The following EVA1A variants were observed in gnomAD, a reference collection of about 807,000 sequenced individuals.
The protein encoded by EVA1A is protein eva-1 homolog A.
EVA1A carries 7 observed loss-of-function variants against 9.8 expected under a neutral mutation model. The observed-to-expected ratio is 0.71, with a 90% CI of 0.41 to 1.34. The LOEUF is 1.34. Among genes scored for constraint, EVA1A ranks in the 40% most tolerant of loss-of-function variants. EVA1A has a pLI of 0.01. For synonymous variants in EVA1A, 90 were observed against 85.6 expected, an observed-to-expected ratio of 1.05 and a Z score of -0.28; for missense variants, 206 against 205.9, an observed-to-expected ratio of 1.00 and a Z score of 0.00.
At chr2:75,528,118 G>A (rs972763883) in intron 1 of EVA1A, among the ~76,000 whole-genome samples, 4 of 152,234 alleles carry the variant, frequency 2.6e-5, no homozygotes, top group Non-Finnish European at 5.9e-5. Context: ...GCCCAGCGAA[G>A]CCATTTCTCA....
intron 3 of EVA1A, among the ~76,000 whole-genome samples, chr2:75,507,742 T>C (rs1371708644): frequency 6.6e-6 from 1 of 152,138 alleles, no homozygotes. Context: ...CAGGAGACAG[T>C]AGAGCTGCAG....
intron 3 of EVA1A, among the ~76,000 whole-genome samples, chr2:75,509,838 T>A (rs1674749524): frequency 6.6e-6 from 1 of 152,098 alleles, no homozygotes; most frequent in African/African-American, 2.4e-5. Context: ...AGTTTACGTA[T>A]ACTGATTTGT....
At chr2:75,546,821 G>A (rs763468539) in intron 1 of EVA1A, among the ~76,000 whole-genome samples, 1 of 149,826 alleles carries the variant, frequency 6.7e-6, no homozygotes, top group Non-Finnish European at 1.5e-5. Context: ...AATATAACTG[G>A]TGTTCTTATA....
chr2:75,494,558 T>C (rs1324099137), intron 3 of EVA1A, among the ~76,000 whole-genome samples: 1 of 152,208 alleles, frequency 6.6e-6, no homozygotes, highest in South Asian at 2.1e-4. Flanking sequence ...AGGGTGGCCT[T>C]TGGCCAACAC....
chr2:75,551,458 C>T (rs1172098125), intron 1 of EVA1A, among the ~76,000 whole-genome samples: 1 of 152,210 alleles, frequency 6.6e-6, no homozygotes, highest in African/African-American at 2.4e-5. Context: ...TGGAAACTCT[C>T]CTCTTCCGCA....
chr2:75,521,241 T>G (rs866618454), intron 2 of EVA1A, among the ~76,000 whole-genome samples: 1 of 152,170 alleles, frequency 6.6e-6, no homozygotes, highest in South Asian at 2.1e-4. Context: ...GATGGGAAGG[T>G]AAAATTGTGC....
intron 3 of EVA1A, among the ~76,000 whole-genome samples, chr2:75,507,023 A>C (rs1390141854): frequency 1.3e-5 from 2 of 152,192 alleles, no homozygotes; most frequent in Non-Finnish European, 2.9e-5. Flanking sequence ...ACACATCCAA[A>C]AGTAGATCTG....
intron 1 of EVA1A, among the ~76,000 whole-genome samples, chr2:75,543,277 T>G (rs1676202250): frequency 6.6e-6 from 1 of 152,140 alleles, no homozygotes; most frequent in African/African-American, 2.4e-5. Flanking sequence ...CCACATTCTA[T>G]TCCTAATCAG....
Position 75,493,212 on chromosome 2 carries a change from T to C in EVA1A, c.*24A>G, listed in dbSNP as rs1453271400. On this transcript the variant is annotated 3_prime_UTR_variant, in exon 4 of 4. Transcript: ENST00000393913. ...GCTCTCCTTTCCAGGCGGCCTCCAG[T>C]GGTTTCCGGGGTCCTGCTGCTCCCT... The C allele has an allele frequency of 6.3e-7, 1 of 1,587,238 alleles. No individual in the cohort carries two copies. Among genetic ancestry groups the C allele is most frequent in the Admixed American group, 1.7e-5 (1 of 57,964 alleles).
intron 1 of EVA1A, among the ~76,000 whole-genome samples, chr2:75,559,702 G>C (rs1303895597): frequency 7.3e-6 from 1 of 136,614 alleles, no homozygotes; most frequent in Admixed American, 7.1e-5. Context: ...GGAGGTGGGG[G>C]GGGGGCGGGG....
intron 1 of EVA1A, among the ~76,000 whole-genome samples, chr2:75,545,512 T>G (rs1676298208): frequency 6.6e-6 from 1 of 152,148 alleles, no homozygotes; most frequent in African/African-American, 2.4e-5. Context: ...GGTAGCCAAG[T>G]GTAGCCACTG....
At position 75,543,079 on chromosome 2, in the gene EVA1A, C is replaced by T. The variant is rs372940522; in HGVS notation, c.-192+17601G>A. ...GGCTGTATAGAATGGAAGTCAGTCA[C>T]AACATCCATACCACACTGGGCATAA... On this transcript the variant is annotated intron_variant, in intron 1 of 3. Transcript: ENST00000393913. Among the ~76,000 whole-genome samples, 138 of 152,272 alleles carry T rather than the reference C, an allele frequency of 9.1e-4. 2 individuals carry two copies. Among genetic ancestry groups the T allele is most frequent in the African/African-American group, 3.2e-3 (133 of 41,560 alleles).
At chr2:75,551,194 C>G (rs796237891) in intron 1 of EVA1A, among the ~76,000 whole-genome samples, 22 of 152,292 alleles carry the variant, frequency 1.4e-4, no homozygotes, top group African/African-American at 5.3e-4. Context: ...AACACTGTCT[C>G]TACCTAATAC....
intron 3 of EVA1A, among the ~76,000 whole-genome samples, chr2:75,517,178 T>C (rs1675039835): frequency 6.6e-6 from 1 of 152,036 alleles, no homozygotes; most frequent in African/African-American, 2.4e-5. Context: ...GAATTGCCAC[T>C]GTAAATCATA....
In EVA1A at chr2:75,493,266, G is replaced by A. The variant is rs759574457; in HGVS notation, c.429C>T (p.Pro143=). Residue 143 remains proline, a synonymous_variant, in exon 4 of 4, where the codon CCC becomes CCT. Coordinates refer to ENST00000393913, the MANE Select transcript of EVA1A (RefSeq NM_001135032.2). ...AGTAGCGATTCAGGCTCCTGGTCCCGGGCACCTCAGGCTGGCCATTCATCC... is the reference window on the plus strand; with the variant it reads ...AGTAGCGATTCAGGCTCCTGGTCCCAGGCACCTCAGGCTGGCCATTCATCC... ...EIWMNGQPEV[P]GTRSLNRYY is the part of the protein sequence containing the mutation. The A allele has an allele frequency of 3.7e-6, 6 of 1,613,496 alleles. No homozygotes were observed. The highest frequency in any genetic ancestry group is 1.7e-5 in the Admixed American group (1 of 59,996).
intron 2 of EVA1A, among the ~76,000 whole-genome samples, chr2:75,521,745 A>C (rs2103857927): frequency 6.6e-6 from 1 of 152,348 alleles, no homozygotes; most frequent in Admixed American, 6.5e-5. Context: ...GGGAAGGATG[A>C]TGGTGATGGT....
intron 1 of EVA1A, among the ~76,000 whole-genome samples, chr2:75,553,144 G>A (rs917874944): frequency 1.3e-5 from 2 of 152,102 alleles, no homozygotes; most frequent in Non-Finnish European, 2.9e-5. Context: ...ACTTCTCACC[G>A]GCCCATCTGC....
chr2:75,495,659 G>C (rs751736703), intron 3 of EVA1A, among the ~76,000 whole-genome samples: 1 of 152,066 alleles, frequency 6.6e-6, no homozygotes, highest in Non-Finnish European at 1.5e-5. Context: ...ACTATACATT[G>C]GGTAGAGTGT....
intron 3 of EVA1A, among the ~76,000 whole-genome samples, chr2:75,505,765 G>A (rs1428292546): frequency 6.6e-6 from 1 of 151,820 alleles, no homozygotes; most frequent in African/African-American, 2.4e-5. Context: ...AGTGAGCCGA[G>A]ATCGTGCCAA....
Sources: allele counts gnomAD v4.1 joint callset (sites outside exome capture counted in the v4.1 genomes callset), GRCh38; gene constraint gnomAD v4.1.1; transcripts MANE v1.5; gene names NCBI Gene and HGNC (gene_info 2026-07-23, HGNC 2026-07-21).